Variants in CACNA1C observed in about 807,000 individuals in gnomAD.
CACNA1C encodes voltage-dependent L-type calcium channel subunit alpha-1C.
A neutral mutation model predicts 229.0 loss-of-function variants in CACNA1C; 30 were observed. The ratio of observed to expected loss-of-function variants is 0.13; its 90% CI spans 0.10 to 0.18. The LOEUF (loss-of-function observed/expected upper bound fraction) is 0.18. CACNA1C is among the 10% of genes least tolerant of loss of function. CACNA1C has a pLI of 1.00. For synonymous variants in CACNA1C, 1,114 were observed against 1,132.5 expected, an observed-to-expected ratio of 0.98 and a Z score of 0.33; for missense variants, 1,658 against 2,845.0, an observed-to-expected ratio of 0.58 and a Z score of 9.49.
chr12:2,155,973 C>T (rs2095533507), intron 3 of CACNA1C, among the ~76,000 whole-genome samples: 2 of 152,040 alleles, frequency 1.3e-5, no homozygotes, highest in African/African-American at 4.8e-5. Context: ...AAGCATTTTT[C>T]CTTAAAGAGT....
At chr12:2,256,542 G>A (rs1383586742) in intron 3 of CACNA1C, among the ~76,000 whole-genome samples, 2 of 152,194 alleles carry the variant, frequency 1.3e-5, no homozygotes, top group Non-Finnish European at 2.9e-5. Context: ...GGCCCCTGAT[G>A]AGCGTACAGG....
At chr12:1,978,769 T>C (rs2035195208) in intron 1 of CACNA1C, among the ~76,000 whole-genome samples, 1 of 152,236 alleles carries the variant, frequency 6.6e-6, no homozygotes, top group Admixed American at 6.5e-5. Context: ...CATATAAACT[T>C]CATATAAATG....
At chr12:1,978,243 C>G (rs1222793198) in intron 1 of CACNA1C, among the ~76,000 whole-genome samples, 1 of 152,202 alleles carries the variant, frequency 6.6e-6, no homozygotes, top group East Asian at 1.9e-4. Flanking sequence ...TCTATTACCT[C>G]ACATTACTTG....
chr12:2,450,243 G>C (rs2099347998), intron 4 of CACNA1C, among the ~76,000 whole-genome samples: 1 of 152,090 alleles, frequency 6.6e-6, no homozygotes, highest in African/African-American at 2.4e-5. Context: ...ACCTACACTG[G>C]TGAAGTGTAA....
At chr12:2,165,431 A>G (rs1269071002) in intron 3 of CACNA1C, among the ~76,000 whole-genome samples, 1 of 152,200 alleles carries the variant, frequency 6.6e-6, no homozygotes, top group African/African-American at 2.4e-5. Context: ...CTTCTCAAGT[A>G]TTAAATTTGG....
chr12:2,490,519 C>T (rs1243084102), intron 6 of CACNA1C, among the ~76,000 whole-genome samples: 1 of 152,228 alleles, frequency 6.6e-6, no homozygotes, highest in African/African-American at 2.4e-5. Context: ...GTACTTTTAT[C>T]ACAGTGACTG....
chr12:2,596,273 G>C (rs148875195), intron 20 of CACNA1C: 1 of 343,046 alleles, frequency 2.9e-6, no homozygotes, highest in South Asian at 8.5e-5. Context: ...TCCCCAGGAA[G>C]CTCTAGTTCC....
Position 2,586,835 on chromosome 12 carries a change from G to A in CACNA1C, c.2530+931G>A, listed in dbSNP as rs148386739. On this transcript the variant is annotated intron_variant, in intron 18 of 46. Transcript: ENST00000399655. Reference sequence around the variant, plus strand: ...TCCTCACTCCCCTCCTCCTGCAAGGGAATAGGATGTGGTTTCCTGGAGCTT... The same window carrying A: ...TCCTCACTCCCCTCCTCCTGCAAGGAAATAGGATGTGGTTTCCTGGAGCTT... Among the ~76,000 whole-genome samples, 46 of 152,308 alleles carry A rather than the reference G, an allele frequency of 3.0e-4. No individual in the cohort carries two copies. The Middle Eastern group carries it at 0.01, about 34-fold the overall frequency.
At chr12:2,468,257 C>T (rs939680744) in intron 5 of CACNA1C, among the ~76,000 whole-genome samples, 3 of 152,246 alleles carry the variant, frequency 2.0e-5, no homozygotes, top group African/African-American at 4.8e-5. Flanking sequence ...CACACAGGAA[C>T]GTCACATGTG....
intron 3 of CACNA1C, among the ~76,000 whole-genome samples, chr12:2,156,940 G>A (rs77576449): frequency 0.013 from 2,056 of 152,352 alleles, 38 homozygotes; most frequent in African/African-American, 0.046. Context: ...TGGACAAGTA[G>A]TAACAGACTT....
intron 3 of CACNA1C, among the ~76,000 whole-genome samples, chr12:2,239,040 TTAGC>T (rs2068658371): frequency 6.6e-6 from 1 of 152,212 alleles, no homozygotes; most frequent in East Asian, 1.9e-4. Context: ...TATGAACCAT[TTAGC>T]TAGCGTCATG....
At position 2,381,342 on chromosome 12, in the gene CACNA1C, T is replaced by C. The variant is rs1399854813; in HGVS notation, c.478-67634T>C. Among the ~76,000 whole-genome samples the C allele has an allele frequency of 2.0e-5, 3 of 152,252 alleles. No individual in the cohort carries two copies. In the South Asian group the frequency reaches 6.2e-4, roughly 32 times the overall value. On this transcript the variant is annotated intron_variant, in intron 3 of 46. Transcript: ENST00000399655. ...AAGTGAGATGCTCCCCAAGGATCCA[T>C]CTTCCTCTTCCCGATTATGATTTTA...
chr12:2,186,402 G>T (rs2097009254), intron 3 of CACNA1C, among the ~76,000 whole-genome samples: 1 of 152,206 alleles, frequency 6.6e-6, no homozygotes, highest in Non-Finnish European at 1.5e-5. Flanking sequence ...GTGTCCTGAA[G>T]CGGCTGCGGG....
intron 1 of CACNA1C, among the ~76,000 whole-genome samples, chr12:2,000,517 G>C (rs539144261): frequency 6.7e-6 from 1 of 149,648 alleles, no homozygotes; most frequent in African/African-American, 2.5e-5. Flanking sequence ...TAAATTCCAA[G>C]GTCAAAAATG....
intron 28 of CACNA1C, among the ~76,000 whole-genome samples, chr12:2,610,978 G>A (rs540333912): frequency 6.6e-6 from 1 of 151,942 alleles, no homozygotes; most frequent in South Asian, 2.1e-4. Flanking sequence ...ATGGAGAGAG[G>A]GGAGGAGATG....
intron 9 of CACNA1C, among the ~76,000 whole-genome samples, chr12:2,525,232 T>C (rs2099816574): frequency 6.6e-6 from 1 of 151,884 alleles, no homozygotes; most frequent in Non-Finnish European, 1.5e-5. Flanking sequence ...CAGCCGAGTG[T>C]GGACAATGGG....
chr12:2,173,459 C>T (rs2096555735), intron 3 of CACNA1C, among the ~76,000 whole-genome samples: 1 of 152,188 alleles, frequency 6.6e-6, no homozygotes, highest in Non-Finnish European at 1.5e-5. Context: ...GGAAAGGCGG[C>T]AGATTATGTG....
chr12:2,136,882 C>G (rs1251727383), intron 3 of CACNA1C, among the ~76,000 whole-genome samples: 1 of 151,424 alleles, frequency 6.6e-6, no homozygotes, highest in Non-Finnish European at 1.5e-5. Flanking sequence ...TGAGGGAACC[C>G]AGAATCAGCC....
intron 3 of CACNA1C, among the ~76,000 whole-genome samples, chr12:2,438,034 TGAG>T (rs2099160261): frequency 7.1e-6 from 1 of 140,028 alleles, no homozygotes; most frequent in African/African-American, 2.7e-5. Flanking sequence ...GTAGTGGTGG[TGAG>T]GGTGGTGGTG....
Sources: gnomAD v4.1 joint callset for allele counts (sites outside exome capture counted in the v4.1 genomes callset) on GRCh38, gnomAD v4.1.1 for gene constraint, MANE v1.5 for transcripts, NCBI Gene and HGNC (gene_info 2026-07-23, HGNC 2026-07-21) for gene names.